Variants in PPP2R2A observed in about 807,000 individuals in gnomAD.
PPP2R2A encodes the protein protein phosphatase 2 regulatory subunit Balpha.
In PPP2R2A, 9 loss-of-function variants were observed where a neutral mutation model predicts 53.2. That is an observed-to-expected ratio of 0.17 (90% CI 0.10 to 0.30). The LOEUF (loss-of-function observed/expected upper bound fraction) is 0.30, where lower values mean the gene tolerates loss of function less well. Ranked by LOEUF, PPP2R2A falls within the 10% of genes least tolerant of loss-of-function variation. The probability of loss-of-function intolerance (pLI) is 1.00; values close to 1 mark genes in which losing one functional copy is unlikely to be tolerated. For missense variants in PPP2R2A, 235 were observed against 534.6 expected, an observed-to-expected ratio of 0.44 and a Z score of 5.53; for synonymous variants, 169 against 174.2, an observed-to-expected ratio of 0.97 and a Z score of 0.23.
At chr8:26,293,149 T>G (rs564703200) in intron 1 of PPP2R2A, 1 of 1,262,004 alleles carries the variant, frequency 7.9e-7, no homozygotes, top group East Asian at 2.6e-5. Context: ...AGCCAGTGAT[T>G]TGCTGGTAAT....
chr8:26,363,914 G>GA (rs1805241104), intron 8 of PPP2R2A, 24 bp downstream of exon 8: 4 of 1,567,574 alleles, frequency 2.6e-6, no homozygotes, highest in Non-Finnish European at 3.5e-6. Flanking sequence ...TTCTTTCAAT[G>GA]AGCATATACC....
In PPP2R2A at chr8:26,291,788, G is replaced by A. The variant is rs1801306960; in HGVS notation, c.-32G>A. 1.9e-6 allele frequency: 3 copies of A among 1,596,304 alleles called. No individual in the cohort carries two copies. Among genetic ancestry groups the A allele is most frequent in the African/African-American group, 1.4e-5 (1 of 73,214 alleles). ...GAGTTCAGGAAGCGGAGACCCCGAGGAACCCAGCAGGGTCACCATTTGCAG... is the reference window on the plus strand; with the variant it reads ...GAGTTCAGGAAGCGGAGACCCCGAGAAACCCAGCAGGGTCACCATTTGCAG... On this transcript the variant is annotated 5_prime_UTR_variant, in exon 1 of 10. Transcript: ENST00000380737.
At chr8:26,369,493 C>G (rs1192614897) in intron 9 of PPP2R2A, among the ~76,000 whole-genome samples, 2 of 151,988 alleles carry the variant, frequency 1.3e-5, no homozygotes, top group Non-Finnish European at 2.9e-5. Context: ...CGGGTTCACA[C>G]CATTCTCCTG....
chr8:26,304,787 T>C (rs1585328114), intron 2 of PPP2R2A, among the ~76,000 whole-genome samples: 1 of 152,214 alleles, frequency 6.6e-6, no homozygotes, highest in Non-Finnish European at 1.5e-5. Context: ...AAAATGTTTG[T>C]TAAAGGAATT....
chr8:26,360,294 G>A lies in PPP2R2A; in HGVS notation c.459+13G>A, dbSNP rs1585406332. 4 of 1,484,104 alleles carry A rather than the reference G, an allele frequency of 2.7e-6. No homozygotes were observed. The highest frequency in any genetic ancestry group is 1.9e-5 in the Admixed American group (1 of 52,794). The allele number at this position is 1,484,104 out of a possible 1,614,324, so 91.9% of individuals were successfully genotyped here. On this transcript the variant is annotated intron_variant, in intron 5 of 9. Coordinates refer to ENST00000380737, the MANE Select transcript of PPP2R2A (RefSeq NM_002717.4). This position sits in a 1 kb window ranked among gnomAD's most constrained non-coding sequence, Gnocchi z 4.5. ...TACTACACTACGAGTAAGTACATAAGAAAAAAATGTCACAGATAGTGCTTG... is the reference window on the plus strand; with the variant it reads ...TACTACACTACGAGTAAGTACATAAAAAAAAAATGTCACAGATAGTGCTTG...
chr8:26,316,293 C>T (rs1802552827), intron 2 of PPP2R2A, among the ~76,000 whole-genome samples: 1 of 152,156 alleles, frequency 6.6e-6, no homozygotes. Context: ...TAGGCCTGAA[C>T]CACCATGCCC....
At chr8:26,305,332 A>C (rs1156687293) in intron 2 of PPP2R2A, among the ~76,000 whole-genome samples, 1 of 152,084 alleles carries the variant, frequency 6.6e-6, no homozygotes, top group Non-Finnish European at 1.5e-5. Context: ...GGTTGCTTTC[A>C]TGTTTTAACT....
chr8:26,355,452 C>G (rs996493555), intron 4 of PPP2R2A, among the ~76,000 whole-genome samples: 3 of 152,096 alleles, frequency 2.0e-5, no homozygotes, highest in African/African-American at 7.2e-5. Flanking sequence ...CTATGTTGCT[C>G]AGGCTGGTCT....
At chr8:26,359,103 TC>T (rs906504810) in intron 4 of PPP2R2A, 1 of 310,592 alleles carries the variant, frequency 3.2e-6, no homozygotes, top group African/African-American at 2.1e-5. Flanking sequence ...TCTGTTCTGT[TC>T]CTAAAAACCC....
intron 3 of PPP2R2A, among the ~76,000 whole-genome samples, chr8:26,341,605 C>T (rs1397099063): frequency 1.3e-5 from 2 of 152,118 alleles, no homozygotes; most frequent in Non-Finnish European, 2.9e-5. Flanking sequence ...TTTGGGTCTC[C>T]GATTTTCAAT....
chr8:26,323,150 T>A (rs1008093671), intron 2 of PPP2R2A, among the ~76,000 whole-genome samples: 2 of 152,222 alleles, frequency 1.3e-5, no homozygotes, highest in African/African-American at 2.4e-5. Flanking sequence ...CACTAGGAAA[T>A]CACATTTAAG....
rs1398598139 is a variant in PPP2R2A, at chr8:26,291,535, G to A, written c.-285G>A. 50 of 487,102 alleles carry A rather than the reference G, an allele frequency of 1.0e-4. 1 individual carries two copies. Among genetic ancestry groups the A allele is most frequent in the Non-Finnish European group, 1.1e-5 (3 of 273,966 alleles). The allele number at this position is 487,102 out of a possible 1,614,324, so 30.2% of individuals were successfully genotyped here. A position where few individuals can be genotyped will look rare whatever the true frequency, so the allele number is the denominator to read the frequency against. On this transcript the variant is annotated 5_prime_UTR_variant, in exon 1 of 10. Transcript: ENST00000380737. ...GCCAGCCGGCGCCATTTTGAAAGTGGAGTCGCCTGCCCCTGCCGCTGCCGC... is the reference window on the plus strand; with the variant it reads ...GCCAGCCGGCGCCATTTTGAAAGTGAAGTCGCCTGCCCCTGCCGCTGCCGC...
intron 7 of PPP2R2A, chr8:26,363,515 T>C: frequency 4.4e-6 from 2 of 459,340 alleles, no homozygotes; most frequent in Non-Finnish European, 7.6e-6. Flanking sequence ...GTATACTGCA[T>C]ACTTATGCAT....
chr8:26,293,687 T>G lies in PPP2R2A; in HGVS notation c.29T>G (p.Ile10Ser), dbSNP rs200700909. The G allele has an allele frequency of 1.9e-6, 3 of 1,613,454 alleles. No homozygotes were observed. The African/African-American group carries it at 4.0e-5, about 22-fold the overall frequency. MAGAGGGND[I>S]QWCFSQVKGA... ...CCAGGAGCTGGAGGAGGGAATGATA[T>G]TCAGTGGTGTTTTTCTCAGGTGAAA... Residue 10 changes from isoleucine to serine, a missense_variant, in exon 2 of 10, where the codon ATT becomes AGT. Ile to Ser is a moderately radical substitution (Grantham distance 142). This residue lies in a region of PPP2R2A where 51 missense variants were observed against 80.6 expected (regional missense o/e 0.63). Transcript: ENST00000380737.
chr8:26,329,181 A>G (rs1256991645), intron 2 of PPP2R2A, among the ~76,000 whole-genome samples: 2 of 152,058 alleles, frequency 1.3e-5, no homozygotes, highest in East Asian at 1.9e-4. Context: ...ATCTTTAGCT[A>G]TTTTGTTGTG....
chr8:26,363,708 G>A lies in PPP2R2A; in HGVS notation c.803-13G>A. 6.4e-7 allele frequency: 1 copy of A among 1,557,976 alleles called. No homozygotes were observed. The highest frequency in any genetic ancestry group is 8.7e-7 in the Non-Finnish European group (1 of 1,148,256). The stretch of plus-strand genomic sequence containing the variant: ...CACCTTGCCCTTTTTGTGTTGTTTT[G>A]TTTTGTTTTTAGTGTTTGAAGAACC... On this transcript the variant is annotated splice_polypyrimidine_tract_variant and intron_variant, in intron 7 of 9. Coordinates refer to ENST00000380737, the MANE Select transcript of PPP2R2A (RefSeq NM_002717.4).
intron 2 of PPP2R2A, among the ~76,000 whole-genome samples, chr8:26,331,564 T>G (rs1479750733): frequency 1.3e-5 from 2 of 152,214 alleles, no homozygotes; most frequent in Non-Finnish European, 2.9e-5. Context: ...GGAGACTGAT[T>G]ACCTAGTAGA....
intron 2 of PPP2R2A, among the ~76,000 whole-genome samples, chr8:26,325,077 T>A (rs1268985255): frequency 6.6e-6 from 1 of 150,712 alleles, no homozygotes; most frequent in Admixed American, 6.6e-5. Flanking sequence ...GTTAAGACGT[T>A]GGGGGACTGT....
At chr8:26,292,388 C>T in intron 1 of PPP2R2A, 2 of 985,778 alleles carry the variant, frequency 2.0e-6, no homozygotes, top group Non-Finnish European at 2.4e-6. Flanking sequence ...TTGTTTCGAA[C>T]CATTTCGTTT....
Sources: allele counts gnomAD v4.1 joint callset (sites outside exome capture counted in the v4.1 genomes callset), GRCh38; gene constraint gnomAD v4.1.1; regional missense constraint gnomAD v4.1.1; non-coding constraint Gnocchi (gnomAD v3.1); transcripts MANE v1.5; gene names NCBI Gene and HGNC (gene_info 2026-07-23, HGNC 2026-07-21).